The following CEP128 variants were observed in gnomAD, a reference collection of about 807,000 sequenced individuals.
CEP128 encodes centrosomal protein 128kDa.
A neutral mutation model predicts 156.7 loss-of-function variants in CEP128; 132 were observed. That is an observed-to-expected ratio of 0.84 (90% CI 0.73 to 0.97). The LOEUF is 0.97. Ranked by LOEUF, CEP128 falls within the 50% of genes least tolerant of loss-of-function variation. The pLI is 0.00. For missense variants in CEP128, 1,252 were observed against 1,281.9 expected (o/e 0.98, Z 0.36); for synonymous variants, 469 against 448.9 (o/e 1.04, Z -0.57).
intron 19 of CEP128, among the ~76,000 whole-genome samples, chr14:80,609,966 C>A (rs1892931915): frequency 6.6e-6 from 1 of 152,098 alleles, no homozygotes; most frequent in Non-Finnish European, 1.5e-5. Flanking sequence ...GAGTCAACTT[C>A]TATTACCACT....
chr14:80,521,901 G>A (rs1197470249), intron 23 of CEP128, among the ~76,000 whole-genome samples: 6 of 152,054 alleles, frequency 3.9e-5, no homozygotes, highest in Non-Finnish European at 7.4e-5. Flanking sequence ...ACATTTACTT[G>A]TTAACTTTGC....
At position 80,840,767 on chromosome 14, in the gene CEP128, G is replaced by T; in HGVS notation, c.764C>A (p.Ala255Glu). ...TGCTTTAGCTTCTTGTTTCTTTAGT[G>T]CCTGGAATGAAAGAGGTGGAAAAAA... ...LGLMSLQLQEALKKQEAKADE... is the reference protein window; with the variant it reads ...LGLMSLQLQEELKKQEAKADE... The change falls in exon 10 of 25, where the codon GCA (alanine) becomes GAA (glutamate). Residue 255 changes from alanine (A) to glutamate (E), a missense_variant and splice_region_variant. Transcript: ENST00000555265. 6.2e-7 allele frequency: 1 copy of T among 1,600,022 alleles called. No homozygotes were observed.
intron 15 of CEP128, among the ~76,000 whole-genome samples, chr14:80,779,983 A>G (rs2139780433): frequency 6.6e-6 from 1 of 152,266 alleles, no homozygotes; most frequent in South Asian, 2.1e-4. Context: ...TTCTGAATCC[A>G]AAAAAAGGCT....
intron 8 of CEP128, among the ~76,000 whole-genome samples, chr14:80,885,814 G>A (rs1442231997): frequency 1.3e-5 from 2 of 152,054 alleles, no homozygotes; most frequent in Non-Finnish European, 2.9e-5. Context: ...CAGAAGGTGG[G>A]TAACAACAAA....
Position 80,801,936 on chromosome 14 carries a change from A to AAAAAAG in CEP128, c.1210-8827_1210-8826insCTTTTT, listed in dbSNP as rs1566636604. Among the ~76,000 whole-genome samples the AAAAAAG allele has an allele frequency of 9.3e-5, 14 of 150,260 alleles. 1 individual carries two copies. The highest frequency in any genetic ancestry group is 1.9e-4 in the East Asian group (1 of 5,152). On this transcript the variant is annotated intron_variant, in intron 13 of 24. Coordinates refer to ENST00000555265, the MANE Select transcript of CEP128 (RefSeq NM_152446.5). ...AAAAAAAAAAAAAAAAAAAAAAAAA[A>AAAAAAG]AGCTCAACATCACTGATCATGAGAG... is the stretch of plus-strand genomic sequence containing the variant.
At chr14:80,948,394 G>GC (rs1184734496) in intron 2 of CEP128, among the ~76,000 whole-genome samples, 1 of 152,170 alleles carries the variant, frequency 6.6e-6, no homozygotes, top group African/African-American at 2.4e-5. Flanking sequence ...AATTATCACT[G>GC]CCAAGAGCGT....
chr14:80,737,497 G>A (rs1898597401), intron 19 of CEP128, among the ~76,000 whole-genome samples: 1 of 152,052 alleles, frequency 6.6e-6, no homozygotes, highest in Non-Finnish European at 1.5e-5. Flanking sequence ...TTTTAATAAT[G>A]TTCTCAATTT....
At chr14:80,764,261 G>A (rs1162311340) in intron 16 of CEP128, among the ~76,000 whole-genome samples, 3 of 152,134 alleles carry the variant, frequency 2.0e-5, no homozygotes, top group African/African-American at 4.8e-5. Flanking sequence ...CACTTTGGGA[G>A]GCCGAGGCGG....
At chr14:80,590,758 T>C (rs1279588646) in intron 19 of CEP128, among the ~76,000 whole-genome samples, 3 of 152,098 alleles carry the variant, frequency 2.0e-5, no homozygotes, top group Non-Finnish European at 2.9e-5. Context: ...CAATATCTTA[T>C]GTGCTCCTAA....
chr14:80,954,882 C>G (rs1886570983), intron 2 of CEP128: 1 of 152,528 alleles, frequency 6.6e-6, no homozygotes, highest in African/African-American at 2.4e-5. Context: ...TTAAGGGAAC[C>G]TGGAATTATT....
At chr14:80,687,334 C>T (rs1595218756) in intron 19 of CEP128, among the ~76,000 whole-genome samples, 5 of 152,066 alleles carry the variant, frequency 3.3e-5, no homozygotes, top group African/African-American at 1.2e-4. Flanking sequence ...AACCTAGGAG[C>T]CTATCAATAG....
chr14:80,919,276 G>A (rs1035352319), intron 2 of CEP128, among the ~76,000 whole-genome samples: 5 of 152,106 alleles, frequency 3.3e-5, no homozygotes, highest in Non-Finnish European at 5.9e-5. Context: ...TAGACAATTT[G>A]AGTTTCAACA....
intron 2 of CEP128, among the ~76,000 whole-genome samples, chr14:80,930,802 G>T (rs1307482124): frequency 6.6e-6 from 1 of 152,224 alleles, no homozygotes; most frequent in Non-Finnish European, 1.5e-5. Flanking sequence ...CATCTGTACT[G>T]CGAGCATCAT....
intron 21 of CEP128, among the ~76,000 whole-genome samples, chr14:80,531,462 C>T (rs559745902): frequency 6.6e-6 from 1 of 152,302 alleles, no homozygotes; most frequent in South Asian, 2.1e-4. Context: ...ATTACACAGT[C>T]TTTAATTAGC....
intron 21 of CEP128, among the ~76,000 whole-genome samples, chr14:80,557,296 T>A (rs1023476699): frequency 2.6e-4 from 39 of 152,190 alleles, no homozygotes; most frequent in Admixed American, 7.2e-4. Flanking sequence ...TAACAAGCAA[T>A]CGTGGTAACG....
chr14:80,636,152 T>C (rs1377673307), intron 19 of CEP128, among the ~76,000 whole-genome samples: 1 of 152,238 alleles, frequency 6.6e-6, no homozygotes, highest in East Asian at 1.9e-4. Context: ...GACTGCATCT[T>C]ATGCTTTTTT....
chr14:80,743,699 C>T (rs1274386854), intron 18 of CEP128, among the ~76,000 whole-genome samples: 2 of 152,086 alleles, frequency 1.3e-5, no homozygotes, highest in African/African-American at 4.8e-5. Context: ...TCTAAAAATG[C>T]ATATCCCCAC....
upstream of CEP128, among the ~76,000 whole-genome samples, chr14:80,943,592 T>C (rs1391054576): frequency 6.6e-6 from 1 of 152,180 alleles, no homozygotes; most frequent in East Asian, 1.9e-4. Context: ...AATCAGATAT[T>C]TTCGTTCATT....
chr14:80,813,298 T>C (rs1464631718), intron 13 of CEP128, among the ~76,000 whole-genome samples: 1 of 152,224 alleles, frequency 6.6e-6, no homozygotes, highest in Non-Finnish European at 1.5e-5. Context: ...AGGGCTTACG[T>C]ACATGATTGC....
Sources: allele counts gnomAD v4.1 joint callset (sites outside exome capture counted in the v4.1 genomes callset), GRCh38; gene constraint gnomAD v4.1.1; transcripts MANE v1.5; gene names NCBI Gene and HGNC (gene_info 2026-07-23, HGNC 2026-07-21).